Variants in OPCML observed in about 807,000 individuals in gnomAD.
OPCML encodes opioid binding protein/cell adhesion molecule like, also known as opioid-binding protein/cell adhesion molecule.
OPCML carries 13 observed loss-of-function variants against 37.8 expected under a neutral mutation model. The observed-to-expected ratio is 0.34, with a 90% CI of 0.22 to 0.55. OPCML has a LOEUF of 0.55. Among genes scored for constraint, OPCML ranks in the 20% least tolerant of loss-of-function variants. The pLI is 0.91. For synonymous variants in OPCML, 176 were observed against 168.8 expected (o/e 1.04, Z -0.33); for missense variants, 341 against 435.6 (o/e 0.78, Z 1.93).
At chr11:133,439,214 G>A in intron 1 of OPCML, 5 of 887,734 alleles carry the variant, frequency 5.6e-6, no homozygotes, top group Non-Finnish European at 6.7e-6. Flanking sequence ...TAACCTGCAG[G>A]TCCTATGCTA....
At chr11:132,808,455 AG>A (rs1157122053) in intron 2 of OPCML, among the ~76,000 whole-genome samples, 1 of 152,208 alleles carries the variant, frequency 6.6e-6, no homozygotes, top group Non-Finnish European at 1.5e-5. Context: ...AAATGTTAAA[AG>A]CACAGTGGAG....
intron 1 of OPCML, among the ~76,000 whole-genome samples, chr11:133,084,564 G>A (rs866122175): frequency 2.1e-4 from 32 of 152,092 alleles, no homozygotes; most frequent in African/African-American, 5.1e-4. Flanking sequence ...AAGGATATTC[G>A]GCTTGGCTTG....
chr11:132,884,622 T>TA (rs897280343), intron 2 of OPCML, among the ~76,000 whole-genome samples: 2 of 152,186 alleles, frequency 1.3e-5, no homozygotes, highest in Admixed American at 6.5e-5. Flanking sequence ...CAAAATAGCA[T>TA]AGGCTTTTGG....
At chr11:132,513,296 C>T (rs967265853) in intron 4 of OPCML, among the ~76,000 whole-genome samples, 14 of 152,018 alleles carry the variant, frequency 9.2e-5, no homozygotes, top group Non-Finnish European at 1.6e-4. Flanking sequence ...GAAAAGATTG[C>T]CAAACTGTGA....
intron 2 of OPCML, among the ~76,000 whole-genome samples, chr11:132,902,825 G>A (rs976469217): frequency 1.3e-5 from 2 of 152,146 alleles, no homozygotes; most frequent in Middle Eastern, 6.8e-3. Context: ...AAGAATCAAG[G>A]AGACTAAAAG....
chr11:133,105,228 C>A (rs370539191), intron 1 of OPCML, among the ~76,000 whole-genome samples: 1 of 152,108 alleles, frequency 6.6e-6, no homozygotes, highest in Non-Finnish European at 1.5e-5. Flanking sequence ...ATTCAGACAA[C>A]AATTAATTAT....
At chr11:132,519,733 G>A (rs1940400) in intron 4 of OPCML, among the ~76,000 whole-genome samples, 49,967 of 151,902 alleles carry the variant, frequency 0.33, 8,406 homozygotes, top group Middle Eastern at 0.39. Context: ...GTTCCACTGA[G>A]CAAGATATGT....
chr11:132,511,147 T>C (rs1049367496), intron 4 of OPCML, among the ~76,000 whole-genome samples: 2 of 152,152 alleles, frequency 1.3e-5, no homozygotes, highest in Admixed American at 1.3e-4. Context: ...TATAAAAAAG[T>C]CAATTGTATC....
At chr11:132,513,567 T>G (rs2137196381) in intron 4 of OPCML, among the ~76,000 whole-genome samples, 1 of 152,260 alleles carries the variant, frequency 6.6e-6, no homozygotes, top group African/African-American at 2.4e-5. Flanking sequence ...AAAAATGAAT[T>G]TTATCCTTCT....
At chr11:133,178,319 G>C (rs545429409) in intron 1 of OPCML, among the ~76,000 whole-genome samples, 1 of 152,114 alleles carries the variant, frequency 6.6e-6, no homozygotes, top group Admixed American at 6.5e-5. Context: ...ATAGGAAAAT[G>C]GTGCAGAGCT....
chr11:133,103,578 T>A (rs1012239848), intron 1 of OPCML, among the ~76,000 whole-genome samples: 1 of 152,362 alleles, frequency 6.6e-6, no homozygotes, highest in Admixed American at 6.5e-5. Context: ...GTTCATACAA[T>A]GGAACATAAT....
At chr11:132,518,173 C>T (rs931704824) in intron 4 of OPCML, among the ~76,000 whole-genome samples, 1 of 152,174 alleles carries the variant, frequency 6.6e-6, no homozygotes, top group Non-Finnish European at 1.5e-5. Context: ...AACCCATCAC[C>T]TAGGTTTTAA....
chr11:133,031,458 G>A (rs1261353633), intron 1 of OPCML, among the ~76,000 whole-genome samples: 2 of 148,878 alleles, frequency 1.3e-5, no homozygotes, highest in Non-Finnish European at 1.5e-5. Flanking sequence ...TGGATGGATG[G>A]ATGGTTGGTT....
rs186061391 is a variant in OPCML at position 132,887,802 on chromosome 11, C to T, written c.146+55124G>A. Among the ~76,000 whole-genome samples the T allele has an allele frequency of 1.1e-3, 168 of 152,354 alleles. 1 individual carries two copies. Among genetic ancestry groups the T allele is most frequent in the African/African-American group, 3.9e-3 (164 of 41,584 alleles). On this transcript the variant is annotated intron_variant, in intron 2 of 7. Coordinates refer to ENST00000524381, the MANE Select transcript of OPCML (RefSeq NM_001012393.5). Reference sequence around the variant, plus strand: ...TCACAGCTCCCTGTCCGCGCTGCGGCACCTCTGCCAGATCTTCTACTACGC... The same window carrying T: ...TCACAGCTCCCTGTCCGCGCTGCGGTACCTCTGCCAGATCTTCTACTACGC...
chr11:133,057,007 C>T (rs914112440), intron 1 of OPCML, among the ~76,000 whole-genome samples: 1 of 152,104 alleles, frequency 6.6e-6, no homozygotes, highest in Non-Finnish European at 1.5e-5. Flanking sequence ...CCACACCTGG[C>T]TAATTTTGTA....
chr11:133,248,882 G>A (rs868318482), intron 1 of OPCML, among the ~76,000 whole-genome samples: 1 of 152,128 alleles, frequency 6.6e-6, no homozygotes, highest in African/African-American at 2.4e-5. Flanking sequence ...CTACTGAGGC[G>A]AAGTGAAGGT....
chr11:133,222,785 A>T (rs1345716503), intron 1 of OPCML, among the ~76,000 whole-genome samples: 1 of 148,076 alleles, frequency 6.8e-6, no homozygotes, highest in African/African-American at 2.5e-5. Flanking sequence ...ATTAAAATGG[A>T]CATGCGTGGA....
In OPCML at chr11:132,932,305, A is replaced by G. The variant is rs915666228; in HGVS notation, c.146+10621T>C. 3.3e-5 allele frequency among the ~76,000 whole-genome samples: 5 copies of G among 152,164 alleles called. No individual in the cohort carries two copies. The South Asian group carries it at 1.0e-3, about 32-fold the overall frequency. ...TATATTTAAAATTGGTTTACATGATACATTCTACGTATTTTTACCACAATA... is the reference window on the plus strand; with the variant it reads ...TATATTTAAAATTGGTTTACATGATGCATTCTACGTATTTTTACCACAATA... On this transcript the variant is annotated intron_variant, in intron 2 of 7. Transcript: ENST00000524381.
chr11:132,534,264 T>C (rs2137322662), intron 3 of OPCML, among the ~76,000 whole-genome samples: 1 of 152,288 alleles, frequency 6.6e-6, no homozygotes, highest in Admixed American at 6.5e-5. Context: ...AACCTTTACA[T>C]TTTCTTGTAT....
Sources: gnomAD v4.1 joint callset for allele counts (sites outside exome capture counted in the v4.1 genomes callset) on GRCh38, gnomAD v4.1.1 for gene constraint, MANE v1.5 for transcripts, NCBI Gene and HGNC (gene_info 2026-07-23, HGNC 2026-07-21) for gene names.